The following NPAS3 variants were observed in gnomAD, a reference collection of about 807,000 sequenced individuals.
NPAS3 encodes the protein neuronal PAS domain protein 3, also known as neuronal PAS domain-containing protein 3.
NPAS3 carries 14 observed loss-of-function variants against 73.1 expected under a neutral mutation model. The observed-to-expected ratio is 0.19, with a 90% CI of 0.13 to 0.30. NPAS3 has a LOEUF of 0.30. Among genes scored for constraint, NPAS3 ranks in the 10% least tolerant of loss-of-function variants. The probability of loss-of-function intolerance (pLI) is 1.00; values close to 1 mark genes in which losing one functional copy is unlikely to be tolerated. For missense variants in NPAS3, 1,096 were observed against 1,250.0 expected (o/e 0.88, Z 1.86); for synonymous variants, 620 against 541.5 (o/e 1.14, Z -2.01).
chr14:33,053,800 C>T lies in NPAS3; in HGVS notation c.51-2105C>T, dbSNP rs572151909. On this transcript the variant is annotated intron_variant, in intron 1 of 11. Transcript: ENST00000356141. ...AAGAGTGGTAGTCCTTCTTTTCCCC[C>T]CTTCCTCTCTACCCAAAACCTTTTC... Among the ~76,000 whole-genome samples, 12 of 152,242 alleles carry T rather than the reference C, an allele frequency of 7.9e-5. No individual in the cohort carries two copies. The East Asian group carries it at 9.7e-4, about 12-fold the overall frequency.
At position 33,797,013 on chromosome 14, in the gene NPAS3, T is replaced by A. The variant is rs149334422; in HGVS notation, c.1302-444T>A. Among the ~76,000 whole-genome samples the A allele has an allele frequency of 1.6e-3, 246 of 152,232 alleles. 1 individual carries two copies. The highest frequency in any genetic ancestry group is 5.8e-3 in the African/African-American group (239 of 41,544). On this transcript the variant is annotated intron_variant, in intron 10 of 11. Coordinates refer to ENST00000356141, the Ensembl canonical transcript of NPAS3. Reference sequence around the variant, plus strand: ...TGCCCCACCAATAGCGTGGGAGCCATCTGAGCGGCTGAGAAGCTACATCAA... The same window carrying A: ...TGCCCCACCAATAGCGTGGGAGCCAACTGAGCGGCTGAGAAGCTACATCAA...
chr14:33,762,351 T>C lies in NPAS3; in HGVS notation c.853-11986T>C, dbSNP rs556899837. Among the ~76,000 whole-genome samples, 18 of 152,338 alleles carry C rather than the reference T, an allele frequency of 1.2e-4. No individual in the cohort carries two copies. The East Asian group carries it at 1.7e-3, about 15-fold the overall frequency. On this transcript the variant is annotated intron_variant, in intron 7 of 11. Transcript: ENST00000356141. ...ATTAAAGTTTTTCTAGTGCTTATGA[T>C]GTTCTTGCCAAGAGCACACTTGCAG... is the stretch of plus-strand genomic sequence containing the variant.
intron 7 of NPAS3, among the ~76,000 whole-genome samples, chr14:33,746,894 G>A (rs9671931): frequency 0.029 from 2,346 of 81,350 alleles, 24 homozygotes; most frequent in Non-Finnish European, 0.048. Flanking sequence ...TCCCTCCCCC[G>A]TCCCCCCACC....
intron 4 of NPAS3, among the ~76,000 whole-genome samples, chr14:33,430,884 T>G (rs939249570): frequency 6.6e-6 from 1 of 152,224 alleles, no homozygotes; most frequent in African/African-American, 2.4e-5. Context: ...AGCAGTCAGA[T>G]GCAACTGTCT....
chr14:33,534,990 G>A (rs1228236798), intron 4 of NPAS3, among the ~76,000 whole-genome samples: 1 of 152,162 alleles, frequency 6.6e-6, no homozygotes, highest in Non-Finnish European at 1.5e-5. Context: ...TTAGCAAGGA[G>A]CAGTAGCAAT....
intron 3 of NPAS3, among the ~76,000 whole-genome samples, chr14:33,260,786 T>C (rs1010547564): frequency 7.9e-5 from 12 of 152,204 alleles, no homozygotes; most frequent in African/African-American, 2.4e-4. Flanking sequence ...TAAACACTTA[T>C]TGTAGCTTAA....
At chr14:33,246,393 G>T (rs1234924530) in intron 3 of NPAS3, among the ~76,000 whole-genome samples, 10 of 151,890 alleles carry the variant, frequency 6.6e-5, no homozygotes, top group Non-Finnish European at 2.9e-5. Context: ...TAAAAAATTA[G>T]CCGGGCATGG....
At chr14:33,740,395 T>C (rs2061626558) in intron 7 of NPAS3, among the ~76,000 whole-genome samples, 1 of 152,234 alleles carries the variant, frequency 6.6e-6, no homozygotes, top group Non-Finnish European at 1.5e-5. Flanking sequence ...TTATCCTGTT[T>C]TCTTCCCTCA....
chr14:33,076,690 T>C (rs1264263307), intron 2 of NPAS3, among the ~76,000 whole-genome samples: 1 of 152,180 alleles, frequency 6.6e-6, no homozygotes, highest in Admixed American at 6.5e-5. Flanking sequence ...ATATCCTTCA[T>C]ATACAGTATA....
chr14:33,455,771 G>A (rs909337155), intron 4 of NPAS3, among the ~76,000 whole-genome samples: 9 of 152,202 alleles, frequency 5.9e-5, no homozygotes, highest in African/African-American at 2.2e-4. Flanking sequence ...TGATTAAACA[G>A]GATGTTAACG....
At chr14:33,165,070 G>C (rs1179607983) in intron 2 of NPAS3, among the ~76,000 whole-genome samples, 17 of 152,034 alleles carry the variant, frequency 1.1e-4, no homozygotes, top group Admixed American at 1.1e-3. Flanking sequence ...AGTCAGGTTT[G>C]GGGCAGAAGG....
intron 6 of NPAS3, among the ~76,000 whole-genome samples, chr14:33,727,851 T>C (rs2061311056): frequency 1.3e-5 from 2 of 152,126 alleles, no homozygotes; most frequent in Admixed American, 1.3e-4. Context: ...AGTGGCAACA[T>C]TTATAGGGAG....
intron 2 of NPAS3, among the ~76,000 whole-genome samples, chr14:33,063,146 G>A (rs1243060979): frequency 6.6e-6 from 1 of 152,114 alleles, no homozygotes; most frequent in Non-Finnish European, 1.5e-5. Flanking sequence ...AAAAGTAGGG[G>A]CAAAACAATA....
chr14:33,687,791 G>T (rs897310668), intron 6 of NPAS3, among the ~76,000 whole-genome samples: 1 of 151,914 alleles, frequency 6.6e-6, no homozygotes, highest in African/African-American at 2.4e-5. Context: ...GAATGCATGC[G>T]CCAGGCTTTG....
At chr14:33,177,071 T>TTTTTTATTATTATTA (rs1174345534) in intron 2 of NPAS3, among the ~76,000 whole-genome samples, 7 of 138,334 alleles carry the variant, frequency 5.1e-5, no homozygotes, top group Non-Finnish European at 9.2e-5. Flanking sequence ...TGTTTATCTT[T>TTTTTTATTATTATTA]TTATTATTAT....
At chr14:33,657,919 C>G (rs1194265222) in intron 5 of NPAS3, among the ~76,000 whole-genome samples, 2 of 152,174 alleles carry the variant, frequency 1.3e-5, no homozygotes, top group Non-Finnish European at 2.9e-5. Context: ...CCAACTCTTC[C>G]AAGTAAATAT....
intron 3 of NPAS3, among the ~76,000 whole-genome samples, chr14:33,354,776 A>G (rs2045254898): frequency 6.6e-6 from 1 of 152,154 alleles, no homozygotes; most frequent in South Asian, 2.1e-4. Context: ...TTCCCTTATG[A>G]GGTAATCACA....
At chr14:33,101,329 A>G (rs2042570310) in intron 2 of NPAS3, among the ~76,000 whole-genome samples, 1 of 152,114 alleles carries the variant, frequency 6.6e-6, no homozygotes, top group Non-Finnish European at 1.5e-5. Context: ...ATAAATCCTT[A>G]TCTTTAAAAA....
At chr14:33,565,225 C>T (rs1426209622) in intron 5 of NPAS3, among the ~76,000 whole-genome samples, 2 of 152,112 alleles carry the variant, frequency 1.3e-5, no homozygotes, top group African/African-American at 4.8e-5. Flanking sequence ...AACTCCTTTC[C>T]TTATCCTGTT....
Sources: allele counts gnomAD v4.1 joint callset (sites outside exome capture counted in the v4.1 genomes callset), GRCh38; gene constraint gnomAD v4.1.1; transcripts MANE v1.5; gene names NCBI Gene and HGNC (gene_info 2026-07-23, HGNC 2026-07-21).